The following CC2D2A variants were observed in gnomAD, a reference collection of about 807,000 sequenced individuals.
The protein encoded by CC2D2A is coiled-coil and C2 domain containing 2A.
In CC2D2A, 155 loss-of-function variants were observed where a neutral mutation model predicts 212.9. The ratio of observed to expected loss-of-function variants is 0.73; its 90% CI spans 0.64 to 0.83. The LOEUF is 0.83. Among genes scored for constraint, CC2D2A ranks in the 40% least tolerant of loss-of-function variants. The pLI, the probability that CC2D2A is intolerant of heterozygous loss-of-function variation, is 0.00. For missense variants in CC2D2A, 1,856 were observed against 1,956.2 expected, an observed-to-expected ratio of 0.95 and a Z score of 0.97; for synonymous variants, 667 against 686.5, an observed-to-expected ratio of 0.97 and a Z score of 0.44.
chr4:15,554,609 GA>G (rs1219594106), intron 19 of CC2D2A, among the ~76,000 whole-genome samples: 1 of 152,266 alleles, frequency 6.6e-6, no homozygotes, highest in African/African-American at 2.4e-5. Context: ...CTAGCAAGTA[GA>G]GGTTGCAGTG....
intron 4 of CC2D2A, among the ~76,000 whole-genome samples, chr4:15,490,172 A>G (rs1715217938): frequency 6.6e-6 from 1 of 152,224 alleles, no homozygotes; most frequent in Non-Finnish European, 1.5e-5. Context: ...ATATCATAAA[A>G]TTCACCCATT....
At chr4:15,470,837 TAGGTCAGA>T (rs1444928945) in intron 1 of CC2D2A, among the ~76,000 whole-genome samples, 6 of 151,694 alleles carry the variant, frequency 4.0e-5, no homozygotes, top group African/African-American at 1.2e-4. Flanking sequence ...TAAATTAGAC[TAGGTCAGA>T]AGCTCAGAAT....
chr4:15,520,281 C>T (rs1215469978), intron 11 of CC2D2A, among the ~76,000 whole-genome samples: 4 of 152,168 alleles, frequency 2.6e-5, no homozygotes, highest in East Asian at 3.9e-4. Flanking sequence ...CTACTTTGTA[C>T]AGAAATGTGA....
At chr4:15,562,161 C>A (rs1247896330) in intron 23 of CC2D2A, among the ~76,000 whole-genome samples, 1 of 152,186 alleles carries the variant, frequency 6.6e-6, no homozygotes, top group Non-Finnish European at 1.5e-5. Context: ...GTCAGCAGCG[C>A]CTAGACAGGA....
chr4:15,470,643 C>A (rs1713674518), intron 1 of CC2D2A, among the ~76,000 whole-genome samples: 1 of 142,544 alleles, frequency 7.0e-6, no homozygotes. Context: ...TCAGCACCAG[C>A]ATGAAATCTC....
chr4:15,533,145 A>G (rs751630443), intron 13 of CC2D2A, 48 bp from the exon 14 acceptor site: 21 of 1,497,460 alleles, frequency 1.4e-5, no homozygotes, highest in Non-Finnish European at 1.9e-5. Context: ...TCTTTTGCAA[A>G]CACACCTGAC....
rs886126456 is a variant in CC2D2A, at chr4:15,550,919, T to C, written c.2277T>C (p.Thr759=). 6.2e-7 allele frequency: 1 copy of C among 1,609,496 alleles called. No individual in the cohort carries two copies. Among genetic ancestry groups the C allele is most frequent in the Admixed American group, 1.7e-5 (1 of 59,958 alleles). ...ETTVVTGRAP[T]EEVEFSSNQH... is the part of the protein sequence containing the mutation. ...CTGTTGTCACTGGAAGGGCTCCTAC[T>C]GAAGAAGTGGAGTTTAGCAGTAATC... Residue 759 remains threonine (T), a synonymous_variant, in exon 18 of 37, where the codon ACT becomes ACC. Coordinates refer to ENST00000424120, the MANE Select transcript of CC2D2A (RefSeq NM_001378615.1).
At chr4:15,565,785 T>A (rs992032111) in intron 24 of CC2D2A, among the ~76,000 whole-genome samples, 2 of 152,000 alleles carry the variant, frequency 1.3e-5, no homozygotes, top group Non-Finnish European at 2.9e-5. Context: ...ATTTGTTTTA[T>A]TATTTTTTTA....
At chr4:15,570,637 C>T (rs1402569055) in intron 28 of CC2D2A, 141 bp downstream of exon 28, 1 of 544,650 alleles carries the variant, frequency 1.8e-6, no homozygotes, top group Admixed American at 2.6e-5. Flanking sequence ...GGCACATCAT[C>T]TGAGGTCAGG....
chr4:15,567,858 A>T, intron 26 of CC2D2A, 72 bp downstream of exon 26: 1 of 1,115,860 alleles, frequency 9.0e-7, no homozygotes, highest in Non-Finnish European at 1.3e-6. Context: ...GCTCATGAGA[A>T]ACGGCTAAGG....
At chr4:15,489,731 C>G (rs1483218240) in intron 4 of CC2D2A, among the ~76,000 whole-genome samples, 2 of 152,130 alleles carry the variant, frequency 1.3e-5, no homozygotes, top group Non-Finnish European at 2.9e-5. Context: ...CCAAGGTGAC[C>G]AATGACTCAC....
At chr4:15,573,216 C>A (rs1720245461) in intron 28 of CC2D2A, among the ~76,000 whole-genome samples, 1 of 152,224 alleles carries the variant, frequency 6.6e-6, no homozygotes, top group Non-Finnish European at 1.5e-5. Flanking sequence ...AAAAATGGCA[C>A]ACATTCCTTC....
chr4:15,563,269 C>A, intron 23 of CC2D2A, 86 bp from the exon 24 acceptor site: 2 of 1,344,834 alleles, frequency 1.5e-6, no homozygotes, highest in Non-Finnish European at 2.0e-6. Flanking sequence ...GTGTGCAGGA[C>A]CATGGGGCAG....
Position 15,599,685 on chromosome 4 carries a change from A to G in CC2D2A, c.4653A>G (p.Leu1551=), listed in dbSNP as rs764335043. 2.5e-6 allele frequency: 4 copies of G among 1,611,872 alleles called. No homozygotes were observed. The highest frequency in any genetic ancestry group is 1.7e-6 in the Non-Finnish European group (2 of 1,178,440). ...AAGATGACCACAGAGCAGAACTGCTAAAACAGCTGGGAGACTACAGGGTAA... is the reference window on the plus strand; with the variant it reads ...AAGATGACCACAGAGCAGAACTGCTGAAACAGCTGGGAGACTACAGGGTAA... The part of the protein sequence containing the change: ...DVEDDHRAEL[L]KQLGDYRFSG... Residue 1551 remains leucine, a synonymous_variant, in exon 36 of 37, where the codon CTA becomes CTG. Transcript: ENST00000424120.
chr4:15,578,813 TTTG>T lies in CC2D2A; in HGVS notation c.3772-1152_3772-1150del, dbSNP rs1310233821. Among the ~76,000 whole-genome samples, 593 of 112,516 alleles carry T rather than the reference TTTG, an allele frequency of 5.3e-3. 8 individuals carry two copies. Among genetic ancestry groups the T allele is most frequent in the African/African-American group, 0.017 (564 of 33,968 alleles). The allele number at this position is 112,516 out of a possible 152,430, so 73.8% of individuals were successfully genotyped here. On this transcript the variant is annotated intron_variant, in intron 29 of 36. Transcript: ENST00000424120. ...GTTTGTTTGTTTGTTTGTTTGTTTG[TTTG>T]TTTTTAATAGAGACAGGGTCCCATT...
chr4:15,548,814 A>G (rs1322279162), intron 17 of CC2D2A, among the ~76,000 whole-genome samples: 1 of 152,212 alleles, frequency 6.6e-6, no homozygotes, highest in African/African-American at 2.4e-5. Context: ...TTGTGAACCA[A>G]TAAAAATATA....
intron 4 of CC2D2A, among the ~76,000 whole-genome samples, chr4:15,488,319 T>A (rs1217659003): frequency 6.6e-6 from 1 of 152,234 alleles, no homozygotes; most frequent in East Asian, 1.9e-4. Context: ...AGGATAACTT[T>A]GCTGGATATA....
At chr4:15,588,886 A>G (rs1479122297) in intron 32 of CC2D2A, among the ~76,000 whole-genome samples, 1 of 151,928 alleles carries the variant, frequency 6.6e-6, no homozygotes, top group Non-Finnish European at 1.5e-5. Flanking sequence ...AATGATAACA[A>G]TAATAAATAA....
At chr4:15,499,804 A>G (rs1715820483) in intron 4 of CC2D2A, among the ~76,000 whole-genome samples, 1 of 152,076 alleles carries the variant, frequency 6.6e-6, no homozygotes, top group Admixed American at 6.6e-5. Context: ...CAGACAGAGG[A>G]AAGCATTGGC....
Sources: gnomAD v4.1 joint callset for allele counts (sites outside exome capture counted in the v4.1 genomes callset) on GRCh38, gnomAD v4.1.1 for gene constraint, MANE v1.5 for transcripts, NCBI Gene and HGNC (gene_info 2026-07-23, HGNC 2026-07-21) for gene names.